FANCL: variants seen among roughly 807,000 people sequenced by gnomAD.
The protein encoded by FANCL is E3 ubiquitin-protein ligase FANCL.
A neutral mutation model predicts 59.4 loss-of-function variants in FANCL; 69 were observed. That is an observed-to-expected ratio of 1.16 (90% CI 0.96 to 1.42). FANCL has a LOEUF of 1.42. FANCL is among the 40% of genes most tolerant of loss of function. FANCL has a pLI of 0.00. For synonymous variants in FANCL, 180 were observed against 147.1 expected, an observed-to-expected ratio of 1.22 and a Z score of -1.62; for missense variants, 519 against 447.2, an observed-to-expected ratio of 1.16 and a Z score of -1.45.
chr2:58,163,196 TAAA>T (rs1685463191), intron 9 of FANCL, 122 bp from the exon 10 acceptor site: 1 of 903,720 alleles, frequency 1.1e-6, no homozygotes, highest in African/African-American at 1.7e-5. Flanking sequence ...TGTATTATGT[TAAA>T]AAACAAAATT....
intron 7 of FANCL, among the ~76,000 whole-genome samples, chr2:58,173,661 G>C (rs540410593): frequency 6.6e-6 from 1 of 152,028 alleles, no homozygotes; most frequent in African/African-American, 2.4e-5. Context: ...AGGAACAACC[G>C]GTACCAGCCG....
At chr2:58,208,292 A>T (rs1010956677) in intron 5 of FANCL, among the ~76,000 whole-genome samples, 1 of 152,192 alleles carries the variant, frequency 6.6e-6, no homozygotes, top group Non-Finnish European at 1.5e-5. Context: ...GCATATTCTA[A>T]AATTGACAAA....
intron 7 of FANCL, 156 bp downstream of exon 7, chr2:58,198,438 T>C (rs979785763): frequency 1.6e-6 from 1 of 634,932 alleles, no homozygotes; most frequent in African/African-American, 1.8e-5. Flanking sequence ...GTGCACAGGC[T>C]ATAAACAAAG....
chr2:58,201,270 A>C (rs546135116), intron 6 of FANCL, among the ~76,000 whole-genome samples: 19 of 151,856 alleles, frequency 1.3e-4, no homozygotes, highest in African/African-American at 4.3e-4. Flanking sequence ...CAAAAGCTCC[A>C]TATCATATAG....
At chr2:58,212,922 GA>G (rs1481216272) in intron 5 of FANCL, among the ~76,000 whole-genome samples, 2 of 152,066 alleles carry the variant, frequency 1.3e-5, no homozygotes, top group African/African-American at 4.8e-5. Context: ...TCTTTCTAAG[GA>G]AAGAAAGGGA....
intron 6 of FANCL, among the ~76,000 whole-genome samples, chr2:58,203,700 G>A (rs1266251647): frequency 6.6e-6 from 1 of 152,000 alleles, no homozygotes; most frequent in Admixed American, 6.6e-5. Context: ...ATGCATATAT[G>A]TTGTTTGTGT....
chr2:58,176,251 A>C (rs976772019), intron 7 of FANCL, among the ~76,000 whole-genome samples: 6 of 152,194 alleles, frequency 3.9e-5, no homozygotes, highest in Admixed American at 2.0e-4. Context: ...GCTACCAGTG[A>C]CTTTCTTCAC....
chr2:58,173,766 G>T (rs1451286617), intron 7 of FANCL, among the ~76,000 whole-genome samples: 2 of 152,082 alleles, frequency 1.3e-5, no homozygotes, highest in Non-Finnish European at 1.5e-5. Context: ...ATAATGACAG[G>T]ATCAAACTCA....
chr2:58,184,341 G>A (rs925847620), intron 7 of FANCL, among the ~76,000 whole-genome samples: 2 of 151,966 alleles, frequency 1.3e-5, no homozygotes, highest in African/African-American at 4.8e-5. Context: ...ATTTAAAGGA[G>A]AAGTAAAAAA....
chr2:58,232,922 C>A (rs545769009), intron 1 of FANCL, among the ~76,000 whole-genome samples: 5 of 151,872 alleles, frequency 3.3e-5, no homozygotes, highest in Non-Finnish European at 7.4e-5. Flanking sequence ...TAATAAAATT[C>A]TCAAAAAACA....
rs577068223 is a variant in FANCL, at chr2:58,184,299, T to G, written c.540+14295A>C. ...AACCTTTTATATGAGAATCAAAATA[T>G]TTGGATTACATTATACTTTATATCT... On this transcript the variant is annotated intron_variant, in intron 7 of 13. Coordinates refer to ENST00000233741, the MANE Select transcript of FANCL (RefSeq NM_018062.4). Among the ~76,000 whole-genome samples, 19 of 152,196 alleles carry G rather than the reference T, an allele frequency of 1.2e-4. 1 individual carries two copies. The South Asian group carries it at 3.9e-3, about 32-fold the overall frequency.
At chr2:58,173,010 T>C (rs1212263015) in intron 7 of FANCL, among the ~76,000 whole-genome samples, 1 of 152,172 alleles carries the variant, frequency 6.6e-6, no homozygotes, top group Non-Finnish European at 1.5e-5. Flanking sequence ...CAGGAGCCGA[T>C]GCGATCAACT....
At position 58,165,848 on chromosome 2, in the gene FANCL, C is replaced by G; in HGVS notation, c.567G>C (p.Gln189His). 1 of 1,613,990 alleles carries G rather than the reference C, an allele frequency of 6.2e-7. No homozygotes were observed. The highest frequency in any genetic ancestry group is 8.5e-7 in the Non-Finnish European group (1 of 1,179,962). ...TTAGTGATTCTATTGCTGCCAAAAA[C>G]TGACTATAAATGCTTATTAAGGAGC... is the stretch of plus-strand genomic sequence containing the variant. ...PQSSLISIYS[Q>H]FLAAIESLKA... Residue 189 changes from glutamine (Q) to histidine (H), a missense_variant, in exon 8 of 14, where the codon CAG becomes CAC. Physicochemically the swap from Gln to His is conservative, Grantham distance 24. Coordinates refer to ENST00000233741, the MANE Select transcript of FANCL (RefSeq NM_018062.4).
intron 1 of FANCL, among the ~76,000 whole-genome samples, chr2:58,235,600 C>T (rs1455134343): frequency 1.3e-5 from 2 of 151,998 alleles, no homozygotes; most frequent in African/African-American, 4.8e-5. Context: ...AGGTAGCATT[C>T]ATTATGTCTA....
rs773037946 is a variant in FANCL, at chr2:58,188,016, T to C, written c.540+10578A>G. On this transcript the variant is annotated intron_variant, in intron 7 of 13. Transcript: ENST00000233741. Reference sequence around the variant, plus strand: ...TATCTGCCTAGCCTAGAGTTACAAATACTTTTCCCTGTGTTTCTTCTAGAA... The same window carrying C: ...TATCTGCCTAGCCTAGAGTTACAAACACTTTTCCCTGTGTTTCTTCTAGAA... 5.3e-5 allele frequency among the ~76,000 whole-genome samples: 8 copies of C among 152,340 alleles called. No homozygotes were observed. In the South Asian group the frequency reaches 1.0e-3, roughly 20 times the overall value.
rs1691311303 is a variant in FANCL at position 58,212,770 on chromosome 2, C to CT, written c.375-8545dup. On this transcript the variant is annotated intron_variant, in intron 5 of 13. Transcript: ENST00000233741. Reference sequence around the variant, plus strand: ...GTGTTACACCCAAAATAACCCAGACCTGTCATACCATCTTCACGTTAACCT... The same window carrying CT: ...GTGTTACACCCAAAATAACCCAGACCTTGTCATACCATCTTCACGTTAACCT... Among the ~76,000 whole-genome samples the CT allele has an allele frequency of 2.0e-5, 3 of 152,010 alleles. No individual in the cohort carries two copies. The South Asian group carries it at 6.3e-4, about 32-fold the overall frequency.
chr2:58,167,450 G>GT (rs1402476605), intron 7 of FANCL, among the ~76,000 whole-genome samples: 1 of 151,984 alleles, frequency 6.6e-6, no homozygotes, highest in African/African-American at 2.4e-5. Context: ...TTTAAAATCC[G>GT]TAATTACCTA....
intron 6 of FANCL, among the ~76,000 whole-genome samples, chr2:58,198,983 T>C (rs1689719549): frequency 6.8e-6 from 1 of 146,122 alleles, no homozygotes; most frequent in Non-Finnish European, 1.5e-5. Context: ...GAGCCGAGAC[T>C]GCGCCACTGC....
At chr2:58,204,721 C>G (rs1690410666) in intron 5 of FANCL, among the ~76,000 whole-genome samples, 2 of 151,988 alleles carry the variant, frequency 1.3e-5, no homozygotes, top group African/African-American at 2.4e-5. Flanking sequence ...CAAATTGATC[C>G]TCTAAGGAAA....
Sources: allele counts gnomAD v4.1 joint callset (sites outside exome capture counted in the v4.1 genomes callset), GRCh38; gene constraint gnomAD v4.1.1; transcripts MANE v1.5; gene names NCBI Gene and HGNC (gene_info 2026-07-23, HGNC 2026-07-21).